CCDC81: variants seen among roughly 807,000 people sequenced by gnomAD.
The protein encoded by CCDC81 is coiled-coil domain-containing protein 81.
Under a neutral mutation model 83.7 loss-of-function variants are expected in CCDC81, and 79 were observed. The ratio of observed to expected loss-of-function variants is 0.94; its 90% CI spans 0.79 to 1.14. The LOEUF is 1.14. CCDC81 is among the 50% of genes most tolerant of loss of function. CCDC81 has a pLI of 0.00. For missense variants in CCDC81, 791 were observed against 778.1 expected (o/e 1.02, Z -0.20); for synonymous variants, 252 against 278.1 (o/e 0.91, Z 0.93).
chr11:86,378,044 C>T, intron 1 of CCDC81, among the ~76,000 whole-genome samples: 1 of 128,026 alleles, frequency 7.8e-6, no homozygotes, highest in Non-Finnish European at 1.6e-5. Context: ...CTATCTGCTC[C>T]ATTGTATTGC....
In CCDC81 at chr11:86,387,552, A is replaced by G. The variant is rs1399944197; in HGVS notation, c.178A>G (p.Ile60Val). 1 of 1,613,982 alleles carries G rather than the reference A, an allele frequency of 6.2e-7. No homozygotes were observed. The highest frequency in any genetic ancestry group is 8.5e-7 in the Non-Finnish European group (1 of 1,179,954). ...TCCAGCATTTGGAACTTTCACTTTC[A>G]TAAGACAAAAGCTTGAGGTGGGAAA... is the stretch of plus-strand genomic sequence containing the variant. ...QIPAFGTFTF[I>V]RQKLEVGNNK... The change falls in exon 3 of 15, where the codon ATA becomes GTA. Residue 60 changes from isoleucine to valine, a missense_variant. Physicochemically the swap from Ile to Val is conservative, Grantham distance 29. Transcript: ENST00000445632.
chr11:86,422,565 TCTC>T lies in CCDC81; in HGVS notation c.1818-5_1818-3del. Reference sequence around the variant, plus strand: ...ACCTGCTGATCGGCATTTGCTCTCCTCTCCTCAGGGCTTCAGACAAGCTGTTTC... The same window carrying T: ...ACCTGCTGATCGGCATTTGCTCTCCTCTCAGGGCTTCAGACAAGCTGTTTC... On this transcript the variant is annotated splice_region_variant and splice_polypyrimidine_tract_variant and intron_variant, in intron 14 of 14. Transcript: ENST00000445632. The T allele has an allele frequency of 6.2e-7, 1 of 1,609,672 alleles. No homozygotes were observed. The highest frequency in any genetic ancestry group is 8.5e-7 in the Non-Finnish European group (1 of 1,177,022).
chr11:86,407,635 G>A lies in CCDC81; in HGVS notation c.903G>A (p.Leu301=). The change falls in exon 8 of 15, where the codon CTG becomes CTA. Residue 301 remains leucine, a synonymous_variant. Transcript: ENST00000445632. ...ATAGCTTATCATATCCAAGTTGTCT[G>A]AAACACGACAGTGAGATGAAGCCCC... is the stretch of plus-strand genomic sequence containing the variant. ...TPESLSYPSC[L]KHDSEMKPQT... 6.2e-7 allele frequency: 1 copy of A among 1,613,264 alleles called. No homozygotes were observed.
intron 6 of CCDC81, among the ~76,000 whole-genome samples, chr11:86,398,639 C>T (rs865795084): frequency 3.9e-5 from 6 of 152,120 alleles, no homozygotes; most frequent in African/African-American, 1.4e-4. Flanking sequence ...CAACCTCCGC[C>T]TCCTGGGTTC....
At chr11:86,377,515 A>G (rs1051919760) in intron 1 of CCDC81, among the ~76,000 whole-genome samples, 3 of 152,140 alleles carry the variant, frequency 2.0e-5, no homozygotes, top group Non-Finnish European at 2.9e-5. Flanking sequence ...GTGTATTGGT[A>G]TCTCATTGTT....
intron 3 of CCDC81, among the ~76,000 whole-genome samples, chr11:86,389,823 G>T (rs973571630): frequency 6.6e-6 from 1 of 152,122 alleles, no homozygotes; most frequent in Non-Finnish European, 1.5e-5. Flanking sequence ...TATAAGAAAT[G>T]GGTTGGGTAC....
At chr11:86,398,899 A>AT (rs1948445456) in intron 6 of CCDC81, among the ~76,000 whole-genome samples, 1 of 151,942 alleles carries the variant, frequency 6.6e-6, no homozygotes, top group Non-Finnish European at 1.5e-5. Flanking sequence ...GGTCCTAGGG[A>AT]CCCCAAAAAG....
intron 6 of CCDC81, among the ~76,000 whole-genome samples, chr11:86,399,288 T>C (rs567355451): frequency 3.3e-4 from 51 of 152,292 alleles, no homozygotes; most frequent in African/African-American, 1.2e-3. Flanking sequence ...CTGTGCCCTA[T>C]AGAGACCCCT....
At chr11:86,391,335 G>T (rs1437241630) in intron 3 of CCDC81, among the ~76,000 whole-genome samples, 2 of 152,228 alleles carry the variant, frequency 1.3e-5, no homozygotes, top group Non-Finnish European at 2.9e-5. Context: ...GTGGACATTT[G>T]AAAGGATATA....
At chr11:86,379,290 G>T (rs375612858) in intron 1 of CCDC81, among the ~76,000 whole-genome samples, 2 of 151,988 alleles carry the variant, frequency 1.3e-5, no homozygotes, top group South Asian at 2.1e-4. Flanking sequence ...TAGAGGTGGG[G>T]TTTCACCATG....
At chr11:86,414,042 A>G (rs1948682436) in intron 11 of CCDC81, among the ~76,000 whole-genome samples, 1 of 152,258 alleles carries the variant, frequency 6.6e-6, no homozygotes, top group South Asian at 2.1e-4. Flanking sequence ...AAGATCATAT[A>G]TGGGTTCTTT....
intron 11 of CCDC81, 96 bp from the exon 12 acceptor site, chr11:86,414,693 C>T (rs1948690933): frequency 1.0e-5 from 7 of 692,944 alleles, no homozygotes; most frequent in Admixed American, 3.0e-5. Flanking sequence ...ACTCTTGTTC[C>T]TATTTAATAC....
At chr11:86,375,550 G>T (rs1727869736) in intron 1 of CCDC81, among the ~76,000 whole-genome samples, 1 of 152,156 alleles carries the variant, frequency 6.6e-6, no homozygotes. Flanking sequence ...CGCTGGGATG[G>T]ATCACAACCC....
intron 1 of CCDC81, among the ~76,000 whole-genome samples, chr11:86,381,627 T>C (rs1448629978): frequency 6.6e-6 from 1 of 152,182 alleles, no homozygotes; most frequent in African/African-American, 2.4e-5. Flanking sequence ...CTCCTGGTAT[T>C]TGCCTTTCTG....
intron 13 of CCDC81, among the ~76,000 whole-genome samples, chr11:86,415,683 T>C (rs1948709627): frequency 6.6e-6 from 1 of 152,158 alleles, no homozygotes; most frequent in East Asian, 1.9e-4. Context: ...TTATTTTATT[T>C]TATTGATTGA....
At chr11:86,389,630 C>A (rs1186014410) in intron 3 of CCDC81, among the ~76,000 whole-genome samples, 2 of 152,146 alleles carry the variant, frequency 1.3e-5, no homozygotes, top group Admixed American at 1.3e-4. Context: ...ATTATGAGAA[C>A]AGCAAGGGGG....
chr11:86,412,993 T>A (rs1011943156), intron 11 of CCDC81, among the ~76,000 whole-genome samples: 11 of 152,178 alleles, frequency 7.2e-5, no homozygotes. Flanking sequence ...ATCCGAGGGT[T>A]CTTGCCTTGG....
chr11:86,401,778 T>C (rs1160770996), intron 7 of CCDC81, among the ~76,000 whole-genome samples: 1 of 152,058 alleles, frequency 6.6e-6, no homozygotes, highest in Admixed American at 6.6e-5. Flanking sequence ...GAGTAATTGT[T>C]GGAAGTGGTT....
At chr11:86,407,879 CAA>C (rs775979206) in intron 8 of CCDC81, among the ~76,000 whole-genome samples, 178 bp downstream of exon 8, 1 of 151,738 alleles carries the variant, frequency 6.6e-6, no homozygotes, top group Non-Finnish European at 1.5e-5. Flanking sequence ...TACTGGTAAA[CAA>C]AAAAAGAGTT....
Sources: allele counts gnomAD v4.1 joint callset (sites outside exome capture counted in the v4.1 genomes callset), GRCh38; gene constraint gnomAD v4.1.1; transcripts MANE v1.5; gene names NCBI Gene and HGNC (gene_info 2026-07-23, HGNC 2026-07-21).